Variants in RPS6KC1 observed in about 807,000 individuals in gnomAD.
RPS6KC1 encodes ribosomal protein S6 kinase C1, also known as inactive ribosomal protein S6 kinase delta-1.
RPS6KC1 carries 54 observed loss-of-function variants against 103.8 expected under a neutral mutation model. That is an observed-to-expected ratio of 0.52 (90% CI 0.42 to 0.65). The LOEUF (loss-of-function observed/expected upper bound fraction) is 0.65, where lower values mean the gene tolerates loss of function less well. RPS6KC1 is among the 30% of genes least tolerant of loss of function. RPS6KC1 has a pLI of 0.00. For missense variants in RPS6KC1, 1,151 were observed against 1,253.8 expected (o/e 0.92, Z 1.24); for synonymous variants, 439 against 438.7 (o/e 1.00, Z -0.01).
the RPS6KC1 span, among the ~76,000 whole-genome samples, chr1:213,679,761 G>C: frequency 6.6e-6 from 1 of 152,230 alleles, no homozygotes; most frequent in East Asian, 1.9e-4. Flanking sequence ...CCTAAAAGCA[G>C]CATGTTAAAG....
At chr1:213,849,302 G>A in the RPS6KC1 span, among the ~76,000 whole-genome samples, 2 of 152,112 alleles carry the variant, frequency 1.3e-5, no homozygotes, top group African/African-American at 4.8e-5. Flanking sequence ...GTTAGGAGGT[G>A]AGCAACAGCA....
At chr1:213,410,305 C>T in the RPS6KC1 span, among the ~76,000 whole-genome samples, 3 of 151,862 alleles carry the variant, frequency 2.0e-5, no homozygotes, top group African/African-American at 7.3e-5. Context: ...AGATCCAGAG[C>T]CCAGGTGGAA....
At chr1:213,471,578 T>C in the RPS6KC1 span, among the ~76,000 whole-genome samples, 1 of 152,200 alleles carries the variant, frequency 6.6e-6, no homozygotes, top group Non-Finnish European at 1.5e-5. Flanking sequence ...CTGAGCATCA[T>C]GAGAAGCCAA....
intron 6 of RPS6KC1, among the ~76,000 whole-genome samples, chr1:213,130,524 T>C (rs2085487960): frequency 6.6e-6 from 1 of 152,188 alleles, no homozygotes; most frequent in Non-Finnish European, 1.5e-5. Context: ...AATCAAAGAT[T>C]GATATTGACA....
At chr1:213,665,567 A>G in the RPS6KC1 span, among the ~76,000 whole-genome samples, 1 of 152,234 alleles carries the variant, frequency 6.6e-6, no homozygotes, top group Non-Finnish European at 1.5e-5. Flanking sequence ...TATATGAAAC[A>G]GAATTACTCA....
chr1:213,113,339 T>C (rs1217998552), intron 4 of RPS6KC1, among the ~76,000 whole-genome samples: 1 of 152,148 alleles, frequency 6.6e-6, no homozygotes, highest in Non-Finnish European at 1.5e-5. Flanking sequence ...TTTCATGTGT[T>C]TTTTGGCTGC....
At chr1:213,261,467 C>T in intron 12 of RPS6KC1, 91 bp from the exon 13 acceptor site, 1 of 1,121,696 alleles carries the variant, frequency 8.9e-7, no homozygotes, top group South Asian at 1.3e-5. Flanking sequence ...GCTCTCTCAG[C>T]ATTAAAAAGG....
At chr1:213,450,803 C>A in the RPS6KC1 span, among the ~76,000 whole-genome samples, 1 of 152,088 alleles carries the variant, frequency 6.6e-6, no homozygotes, top group African/African-American at 2.4e-5. Flanking sequence ...TGGTGAAACT[C>A]CGTCTCTACT....
In RPS6KC1 at chr1:213,241,488, T is replaced by C. The variant is rs1361092065; in HGVS notation, c.2012T>C (p.Ile671Thr). Residue 671 changes from isoleucine (I) to threonine (T), a missense_variant, in exon 11 of 15, where the codon ATT (isoleucine) becomes ACT (threonine). Transcript: ENST00000366960. Reference sequence around the variant, plus strand: ...GGCTCAGATGACTCAGTGCCAGTTATTTCATTTAAAGATGCTGCTTTTGAT... The same window carrying C: ...GGCTCAGATGACTCAGTGCCAGTTACTTCATTTAAAGATGCTGCTTTTGAT... ...SRGSDDSVPV[I>T]SFKDAAFDDV... 1 of 1,614,008 alleles carries C rather than the reference T, an allele frequency of 6.2e-7. No individual in the cohort carries two copies. Among genetic ancestry groups the C allele is most frequent in the South Asian group, 1.1e-5 (1 of 91,082 alleles).
the RPS6KC1 span, among the ~76,000 whole-genome samples, chr1:213,791,516 A>G: frequency 1.3e-5 from 2 of 152,162 alleles, no homozygotes; most frequent in South Asian, 4.1e-4. Context: ...AATTTCTTCT[A>G]TTCTCATGGG....
chr1:213,765,972 G>A, the RPS6KC1 span, among the ~76,000 whole-genome samples: 1 of 152,162 alleles, frequency 6.6e-6, no homozygotes, highest in Admixed American at 6.6e-5. Flanking sequence ...CCTGTGGATT[G>A]ATGGCTTTGT....
chr1:213,643,869 A>G, the RPS6KC1 span, among the ~76,000 whole-genome samples: 1 of 152,120 alleles, frequency 6.6e-6, no homozygotes, highest in South Asian at 2.1e-4. Flanking sequence ...AATATAATAG[A>G]ATGATTGTTC....
At chr1:213,627,216 C>G in the RPS6KC1 span, among the ~76,000 whole-genome samples, 366 of 151,616 alleles carry the variant, frequency 2.4e-3, 2 homozygotes, top group African/African-American at 8.3e-3. Flanking sequence ...GTCATGATTT[C>G]GCTCTCTGTC....
the RPS6KC1 span, among the ~76,000 whole-genome samples, chr1:213,794,007 G>A: frequency 3.3e-5 from 5 of 152,136 alleles, no homozygotes; most frequent in South Asian, 2.1e-4. Context: ...AATTAGAAAA[G>A]CGACGAGATT....
chr1:213,304,558 T>TGGG, the RPS6KC1 span, among the ~76,000 whole-genome samples: 1 of 151,628 alleles, frequency 6.6e-6, no homozygotes, highest in East Asian at 1.9e-4. Flanking sequence ...TTTTTTGAGA[T>TGGG]GGAGTTTTGC....
the RPS6KC1 span, among the ~76,000 whole-genome samples, chr1:213,509,184 C>A: frequency 6.6e-6 from 1 of 152,122 alleles, no homozygotes; most frequent in Non-Finnish European, 1.5e-5. Flanking sequence ...CCTGGGCAAG[C>A]CAGTACATAC....
At chr1:213,685,173 G>A in the RPS6KC1 span, among the ~76,000 whole-genome samples, 3 of 152,136 alleles carry the variant, frequency 2.0e-5, no homozygotes, top group Non-Finnish European at 4.4e-5. Context: ...ACCAGTTTGA[G>A]GACAAGAACT....
At chr1:213,390,545 T>C in the RPS6KC1 span, among the ~76,000 whole-genome samples, 2 of 152,220 alleles carry the variant, frequency 1.3e-5, no homozygotes, top group Non-Finnish European at 2.9e-5. Flanking sequence ...AGTTTGCTAT[T>C]TGCAAAACTC....
chr1:213,499,354 G>A, the RPS6KC1 span, among the ~76,000 whole-genome samples: 2 of 152,098 alleles, frequency 1.3e-5, no homozygotes, highest in Non-Finnish European at 2.9e-5. Context: ...ATGGAGCCCC[G>A]GCCCCCAACC....
Sources: gnomAD v4.1 joint callset for allele counts (sites outside exome capture counted in the v4.1 genomes callset) on GRCh38, gnomAD v4.1.1 for gene constraint, MANE v1.5 for transcripts, NCBI Gene and HGNC (gene_info 2026-07-23, HGNC 2026-07-21) for gene names.